ANK2: variants seen among roughly 807,000 people sequenced by gnomAD.
The protein encoded by ANK2 is ankyrin 2.
A neutral mutation model predicts 360.5 loss-of-function variants in ANK2; 83 were observed. The observed-to-expected ratio is 0.23, with a 90% CI of 0.19 to 0.28. The LOEUF (loss-of-function observed/expected upper bound fraction) is 0.28, where lower values mean the gene tolerates loss of function less well. Among genes scored for constraint, ANK2 ranks in the 10% least tolerant of loss-of-function variants. The pLI is 1.00. For missense variants in ANK2, 4,201 were observed against 4,795.7 expected, an observed-to-expected ratio of 0.88 and a Z score of 3.66; for synonymous variants, 1,740 against 1,759.5, an observed-to-expected ratio of 0.99 and a Z score of 0.28.
At chr4:113,111,401 C>G (rs2154365817) in intron 1 of ANK2, among the ~76,000 whole-genome samples, 1 of 152,232 alleles carries the variant, frequency 6.6e-6, no homozygotes, top group East Asian at 1.9e-4. Context: ...CAACAAATTT[C>G]TTCATGGATA....
intron 2 of ANK2, among the ~76,000 whole-genome samples, chr4:113,195,785 T>A (rs545081008): frequency 6.6e-6 from 1 of 152,380 alleles, no homozygotes. Flanking sequence ...CTTGAAAATT[T>A]GTTCTTGATT....
At chr4:113,030,760 A>T (rs2060228210) in intron 2 of ANK2, among the ~76,000 whole-genome samples, 1 of 152,072 alleles carries the variant, frequency 6.6e-6, no homozygotes, top group Non-Finnish European at 1.5e-5. Flanking sequence ...AAAGAATGTT[A>T]AAAAAATAAT....
the ANK2 span, among the ~76,000 whole-genome samples, chr4:112,729,233 A>G: frequency 6.6e-6 from 1 of 152,084 alleles, no homozygotes; most frequent in Non-Finnish European, 1.5e-5. Flanking sequence ...GGAACCTAGT[A>G]AACGGTTGGG....
intron 1 of ANK2, among the ~76,000 whole-genome samples, chr4:113,074,810 T>C (rs2079182756): frequency 6.6e-6 from 1 of 152,216 alleles, no homozygotes; most frequent in Non-Finnish European, 1.5e-5. Flanking sequence ...AGCATTACCA[T>C]TAATATGTAA....
At position 112,991,079 on chromosome 4, in the gene ANK2, G is replaced by A. The variant is rs1039959372; in HGVS notation, c.21+86565G>A. Among the ~76,000 whole-genome samples the A allele has an allele frequency of 1.3e-4, 19 of 151,948 alleles. No homozygotes were observed. In the East Asian group the frequency reaches 1.7e-3, roughly 14 times the overall value. On this transcript the variant is annotated intron_variant, in intron 2 of 30. Coordinates refer to the ANK2 transcript ENST00000503271. ...ATCCTGGCCAACATGGTGAAACCCC[G>A]TCTCTACTAAAAAATACAAAAATTA...
chr4:113,236,175 T>C (rs1192517153), intron 5 of ANK2, among the ~76,000 whole-genome samples: 1 of 152,034 alleles, frequency 6.6e-6, no homozygotes, highest in Non-Finnish European at 1.5e-5. Context: ...GAGCCTAAAA[T>C]ATATTATTTT....
chr4:113,054,984 G>A (rs1284164590), intron 1 of ANK2, among the ~76,000 whole-genome samples: 1 of 152,076 alleles, frequency 6.6e-6, no homozygotes, highest in African/African-American at 2.4e-5. Flanking sequence ...GAATTACCTG[G>A]GTTGTCTGCT....
intron 5 of ANK2, among the ~76,000 whole-genome samples, chr4:113,233,592 C>T (rs1206576064): frequency 6.6e-6 from 1 of 152,138 alleles, no homozygotes; most frequent in Non-Finnish European, 1.5e-5. Flanking sequence ...GTCTTGAGGA[C>T]ATGAACTCCC....
At chr4:113,211,666 T>A (rs2099023581) in intron 4 of ANK2, among the ~76,000 whole-genome samples, 3 of 152,192 alleles carry the variant, frequency 2.0e-5, no homozygotes. Flanking sequence ...AGTGTATAAC[T>A]GGAAGGGGCT....
chr4:112,721,908 C>T, the ANK2 span, among the ~76,000 whole-genome samples: 1 of 152,146 alleles, frequency 6.6e-6, no homozygotes, highest in Non-Finnish European at 1.5e-5. Flanking sequence ...AAGTGAGTTT[C>T]TTCTAGAGGA....
intron 1 of ANK2, among the ~76,000 whole-genome samples, chr4:113,069,140 A>C (rs1480133713): frequency 6.6e-6 from 1 of 152,152 alleles, no homozygotes; most frequent in Non-Finnish European, 1.5e-5. Flanking sequence ...CCTGGAAGTA[A>C]AAGGTGAGGT....
chr4:112,800,081 G>A, the ANK2 span, among the ~76,000 whole-genome samples: 3 of 152,104 alleles, frequency 2.0e-5, no homozygotes, highest in Admixed American at 6.6e-5. Flanking sequence ...CAATGAAATG[G>A]AGTATATGCC....
chr4:112,728,967 G>A, the ANK2 span, among the ~76,000 whole-genome samples: 18 of 152,146 alleles, frequency 1.2e-4, no homozygotes, highest in Non-Finnish European at 2.4e-4. Flanking sequence ...AGCTACTCCA[G>A]AGGCTGAGAT....
chr4:112,829,883 C>T (rs1057055272), intron 1 of ANK2, among the ~76,000 whole-genome samples: 4 of 151,852 alleles, frequency 2.6e-5, no homozygotes, highest in Non-Finnish European at 4.4e-5. Context: ...GGCGTGAACC[C>T]GGGTGGTGGA....
At chr4:112,810,930 C>CTTT in the ANK2 span, among the ~76,000 whole-genome samples, 4 of 137,104 alleles carry the variant, frequency 2.9e-5, no homozygotes, top group Middle Eastern at 3.9e-3. Flanking sequence ...TTCTTTCTTT[C>CTTT]TTTTTTTTTT....
chr4:113,352,047 A>T (rs1160176316), intron 37 of ANK2, among the ~76,000 whole-genome samples: 1 of 152,200 alleles, frequency 6.6e-6, no homozygotes, highest in Non-Finnish European at 1.5e-5. Context: ...CTCATAGGGA[A>T]ATAAGTACAC....
chr4:112,827,347 G>T (rs758321356), intron 1 of ANK2: 10 of 1,281,610 alleles, frequency 7.8e-6, no homozygotes, highest in Non-Finnish European at 1.1e-5. Context: ...ACAGCAACTG[G>T]AACTTGAACA....
At chr4:112,864,272 T>A (rs1208336829) in intron 1 of ANK2, among the ~76,000 whole-genome samples, 1 of 152,262 alleles carries the variant, frequency 6.6e-6, no homozygotes, top group African/African-American at 2.4e-5. Context: ...TATGACATTT[T>A]GGAAAAGACT....
At chr4:112,977,195 A>G (rs1561375207) in intron 2 of ANK2, among the ~76,000 whole-genome samples, 1 of 152,232 alleles carries the variant, frequency 6.6e-6, no homozygotes. Context: ...AATCTTAAAA[A>G]AACAACGAGT....
Sources: allele counts gnomAD v4.1 joint callset (sites outside exome capture counted in the v4.1 genomes callset), GRCh38; gene constraint gnomAD v4.1.1; transcripts MANE v1.5; gene names NCBI Gene and HGNC (gene_info 2026-07-23, HGNC 2026-07-21).